Variants in CRACR2A observed in about 807,000 individuals in gnomAD.
CRACR2A encodes EF-hand calcium-binding domain-containing protein 4B.
A neutral mutation model predicts 90.5 loss-of-function variants in CRACR2A; 79 were observed. That is an observed-to-expected ratio of 0.87 (90% CI 0.73 to 1.05). The LOEUF (loss-of-function observed/expected upper bound fraction) is 1.05, where lower values mean the gene tolerates loss of function less well. CRACR2A is among the 50% of genes least tolerant of loss of function. CRACR2A has a pLI of 0.00. For synonymous variants in CRACR2A, 338 were observed against 356.7 expected (o/e 0.95, Z 0.59); for missense variants, 823 against 897.2 (o/e 0.92, Z 1.06).
At chr12:3,675,025 C>A (rs530312287) in intron 6 of CRACR2A, among the ~76,000 whole-genome samples, 1 of 152,068 alleles carries the variant, frequency 6.6e-6, no homozygotes, top group African/African-American at 2.4e-5. Context: ...CGCTTATGAC[C>A]CTCGTTTTAT....
At chr12:3,641,292 C>T (rs1316468320) in intron 13 of CRACR2A, among the ~76,000 whole-genome samples, 3 of 152,082 alleles carry the variant, frequency 2.0e-5, no homozygotes, top group Non-Finnish European at 4.4e-5. Context: ...TGCAGTGAGC[C>T]GAGATTGCAC....
Position 3,652,340 on chromosome 12 carries a change from A to C in CRACR2A, c.1046+1872T>G, listed in dbSNP as rs1055183779. 2.0e-5 allele frequency among the ~76,000 whole-genome samples: 3 copies of C among 152,338 alleles called. No individual in the cohort carries two copies. In the East Asian group the frequency reaches 5.8e-4, roughly 29 times the overall value. On this transcript the variant is annotated intron_variant, in intron 10 of 19. Transcript: ENST00000440314. ...CCTGTACCTTGTTGACCTGTTCTCA[A>C]TGAGGAGGAACTGATTTTGCTTGTT...
rs138515163 is a variant in CRACR2A, at chr12:3,685,204, T to C, written c.229-4855A>G. On this transcript the variant is annotated intron_variant, in intron 4 of 19. Transcript: ENST00000440314. ...GACACAAAGAATAACAGCAGCTGGA[T>C]ACGAGTGGAAGGTTCCCTTTTCAGC... 5.9e-5 allele frequency among the ~76,000 whole-genome samples: 9 copies of C among 152,332 alleles called. No individual in the cohort carries two copies. In the East Asian group the frequency reaches 1.7e-3, roughly 29 times the overall value.
intron 17 of CRACR2A, among the ~76,000 whole-genome samples, chr12:3,624,116 C>G (rs1281160913): frequency 5.9e-5 from 9 of 152,202 alleles, no homozygotes; most frequent in African/African-American, 1.9e-4. Flanking sequence ...AGCATCTGTT[C>G]CCACCCCACA....
rs576679874 is a variant in CRACR2A at position 3,746,311 on chromosome 12, T to C, written c.-387+6704A>G. 2.0e-5 allele frequency among the ~76,000 whole-genome samples: 3 copies of C among 151,870 alleles called. No individual in the cohort carries two copies. The South Asian group carries it at 6.2e-4, about 32-fold the overall frequency. On this transcript the variant is annotated intron_variant, in intron 1 of 19. Coordinates refer to ENST00000440314, the MANE Select transcript of CRACR2A (RefSeq NM_001144958.2). The surrounding 1 kb of genome is among the most constrained non-coding windows in gnomAD (Gnocchi z 4.4). ...AGATGAGGTCATGAGGGTGGGGCCCTCATGATGGGATTAGTGCCCATCATG... is the reference window on the plus strand; with the variant it reads ...AGATGAGGTCATGAGGGTGGGGCCCCCATGATGGGATTAGTGCCCATCATG...
chr12:3,678,102 A>G (rs1945369801), intron 6 of CRACR2A, among the ~76,000 whole-genome samples: 1 of 152,162 alleles, frequency 6.6e-6, no homozygotes, highest in Non-Finnish European at 1.5e-5. Context: ...AGGACCCCAA[A>G]ACAAAAAGGC....
At chr12:3,726,350 T>C (rs1477659432) in intron 2 of CRACR2A, 1 of 152,152 alleles carries the variant, frequency 6.6e-6, no homozygotes, top group Non-Finnish European at 1.5e-5. Flanking sequence ...CTTAATAAAA[T>C]AATATGTCTG....
intron 2 of CRACR2A, among the ~76,000 whole-genome samples, chr12:3,721,618 T>C (rs1202752442): frequency 1.3e-5 from 2 of 149,712 alleles, no homozygotes; most frequent in East Asian, 3.9e-4. Flanking sequence ...TGAAACGTTA[T>C]TCTTCTCCTC....
chr12:3,679,076 A>G lies in CRACR2A; in HGVS notation c.363T>C (p.Asn121=). The change falls in exon 6 of 20, where the codon AAT becomes AAC. Residue 121 remains asparagine, a synonymous_variant. Transcript: ENST00000440314. ...CACCTGCATCTTCCTGACTTGGGTT[A>G]TTCTGGCTGAAGAAGAAGTGACCTG... ...TGFSHFFFSQ[N]NPSQEDAGEQ... is the part of the protein sequence containing the mutation. The G allele has an allele frequency of 6.2e-7, 1 of 1,613,030 alleles. No individual in the cohort carries two copies. Among genetic ancestry groups the G allele is most frequent in the Non-Finnish European group, 8.5e-7 (1 of 1,179,604 alleles).
chr12:3,647,994 T>G (rs949671436), intron 11 of CRACR2A: 2 of 985,524 alleles, frequency 2.0e-6, no homozygotes, highest in African/African-American at 3.5e-5. Flanking sequence ...TGAGAAAGCT[T>G]TTTCTTGGTG....
At chr12:3,735,921 T>C (rs762862710) in intron 1 of CRACR2A, among the ~76,000 whole-genome samples, 2 of 152,056 alleles carry the variant, frequency 1.3e-5, no homozygotes, top group Non-Finnish European at 2.9e-5. Flanking sequence ...TATAAGCCTG[T>C]ACTGAGAAGG....
chr12:3,737,987 G>T (rs557242932), intron 1 of CRACR2A, among the ~76,000 whole-genome samples: 34 of 152,348 alleles, frequency 2.2e-4, no homozygotes, highest in Middle Eastern at 3.4e-3. Context: ...ATGTCCTGTG[G>T]GGTGGGGTGC....
intron 17 of CRACR2A, among the ~76,000 whole-genome samples, chr12:3,620,121 GGGC>G (rs1944104503): frequency 6.6e-6 from 1 of 152,240 alleles, no homozygotes; most frequent in East Asian, 1.9e-4. Context: ...TACCAGCCAG[GGGC>G]CTGCTTCCCG....
At chr12:3,665,771 C>T (rs951881736) in intron 7 of CRACR2A, among the ~76,000 whole-genome samples, 2 of 152,094 alleles carry the variant, frequency 1.3e-5, no homozygotes, top group East Asian at 1.9e-4. Flanking sequence ...TAAAACCTGA[C>T]GAGGCTCAAT....
intron 3 of CRACR2A, among the ~76,000 whole-genome samples, chr12:3,704,528 A>G (rs948523821): frequency 1.3e-5 from 2 of 152,322 alleles, no homozygotes; most frequent in East Asian, 3.9e-4. Flanking sequence ...ACAAATGTAT[A>G]TTAAAACTGA....
chr12:3,627,280 C>T (rs1315927824), intron 17 of CRACR2A, among the ~76,000 whole-genome samples, 156 bp downstream of exon 17: 2 of 152,164 alleles, frequency 1.3e-5, no homozygotes, highest in Non-Finnish European at 2.9e-5. Flanking sequence ...GGAACCCAGA[C>T]GAACAGAGGA....
rs1555119268 is a variant in CRACR2A at position 3,721,601 on chromosome 12, A to AC, written c.-117-8285_-117-8284insG. 1.8e-3 allele frequency among the ~76,000 whole-genome samples: 268 copies of AC among 151,802 alleles called. 6 individuals carry two copies. In the East Asian group the frequency reaches 0.034, roughly 20 times the overall value. On this transcript the variant is annotated intron_variant, in intron 2 of 19. Transcript: ENST00000440314. ...ATCATGTCTCAAAAAAAAAAAAAAA[A>AC]AGTGAGTGAAACGTTATTCTTCTCC...
chr12:3,669,472 C>T (rs1327004268), intron 7 of CRACR2A, among the ~76,000 whole-genome samples: 1 of 152,192 alleles, frequency 6.6e-6, no homozygotes, highest in Non-Finnish European at 1.5e-5. Flanking sequence ...GTCTCACCTC[C>T]CTTCCTTGGA....
intron 4 of CRACR2A, among the ~76,000 whole-genome samples, chr12:3,692,245 A>T (rs576722362): frequency 6.6e-6 from 1 of 152,076 alleles, no homozygotes; most frequent in East Asian, 1.9e-4. Flanking sequence ...TCTTGCACTG[A>T]TCCTTTCTCA....
Sources: allele counts gnomAD v4.1 joint callset (sites outside exome capture counted in the v4.1 genomes callset), GRCh38; gene constraint gnomAD v4.1.1; non-coding constraint Gnocchi (gnomAD v3.1); transcripts MANE v1.5; gene names NCBI Gene and HGNC (gene_info 2026-07-23, HGNC 2026-07-21).